Variants in IGF2R observed in about 807,000 individuals in gnomAD.
IGF2R encodes insulin like growth factor 2 receptor, also known as cation-independent mannose-6-phosphate receptor.
IGF2R carries 91 observed loss-of-function variants against 270.6 expected under a neutral mutation model. The ratio of observed to expected loss-of-function variants is 0.34; its 90% CI spans 0.28 to 0.40. IGF2R has a LOEUF of 0.40. Among genes scored for constraint, IGF2R ranks in the 10% least tolerant of loss-of-function variants. The pLI, the probability that IGF2R is intolerant of heterozygous loss-of-function variation, is 1.00. For missense variants in IGF2R, 2,805 were observed against 3,188.3 expected (o/e 0.88, Z 2.90); for synonymous variants, 1,316 against 1,258.9 (o/e 1.05, Z -0.96).
intron 42 of IGF2R, among the ~76,000 whole-genome samples, 156 bp from the exon 43 acceptor site, chr6:160,088,951 C>T (rs544339577): frequency 6.6e-6 from 1 of 152,304 alleles, no homozygotes; most frequent in African/African-American, 2.4e-5. Context: ...CTGCGCAGCC[C>T]GGGGAGTGGG....
intron 39 of IGF2R, among the ~76,000 whole-genome samples, chr6:160,082,271 C>T (rs894647335): frequency 1.3e-5 from 2 of 152,108 alleles, no homozygotes; most frequent in African/African-American, 4.8e-5. Flanking sequence ...GAATCACACT[C>T]CTGTTTTCAA....
At chr6:160,042,478 G>A (rs1777966838) in intron 11 of IGF2R, among the ~76,000 whole-genome samples, 3 of 152,114 alleles carry the variant, frequency 2.0e-5, no homozygotes, top group Admixed American at 1.3e-4. Flanking sequence ...GCGACTGTTC[G>A]CCGTGTGGTT....
At chr6:160,001,076 A>C (rs1468516822) in intron 2 of IGF2R, among the ~76,000 whole-genome samples, 2 of 151,434 alleles carry the variant, frequency 1.3e-5, no homozygotes, top group African/African-American at 4.9e-5. Flanking sequence ...GGGGTCCTCA[A>C]CCCCCGGGCC....
chr6:159,979,929 T>G (rs377043420), intron 1 of IGF2R, among the ~76,000 whole-genome samples: 2 of 152,230 alleles, frequency 1.3e-5, no homozygotes, highest in East Asian at 1.9e-4. Flanking sequence ...CTGTGGCTCA[T>G]GCCTGTAATC....
In IGF2R at chr6:160,104,694, A is replaced by C; in HGVS notation, c.7086A>C (p.Thr2362=). The change falls in exon 48 of 48, where the codon ACA becomes ACC. Residue 2362 remains threonine, a synonymous_variant. Coordinates refer to ENST00000356956, the MANE Select transcript of IGF2R (RefSeq NM_000876.4). The stretch of plus-strand genomic sequence containing the variant: ...GGCAGGTGAATAAGGAAGAAGAGAC[A>C]GATGAGAATGAAACAGAGTGGCTGA... ...KYSKVNKEEE[T]DENETEWLME... The C allele has an allele frequency of 6.2e-7, 1 of 1,613,728 alleles. No individual in the cohort carries two copies. The highest frequency in any genetic ancestry group is 8.5e-7 in the Non-Finnish European group (1 of 1,179,792).
chr6:159,992,325 G>A (rs187720070), intron 2 of IGF2R, among the ~76,000 whole-genome samples: 6 of 152,152 alleles, frequency 3.9e-5, no homozygotes, highest in Non-Finnish European at 7.4e-5. Flanking sequence ...CCCGTCACCC[G>A]AATAGTGTAC....
Position 160,089,980 on chromosome 6 carries a change from T to C in IGF2R, c.6532T>C (p.Ser2178Pro), listed in dbSNP as rs1169660231. 1 of 1,607,236 alleles carries C rather than the reference T, an allele frequency of 6.2e-7. No homozygotes were observed. Among genetic ancestry groups the C allele is most frequent in the Non-Finnish European group, 8.5e-7 (1 of 1,177,068 alleles). ...CAACTACCTGTATGAGATCCAACTTTCCTCCATCACAAGCTCCAGAAACCC... is the reference window on the plus strand; with the variant it reads ...CAACTACCTGTATGAGATCCAACTTCCCTCCATCACAAGCTCCAGAAACCC... The part of the protein sequence containing the change: ...GDNYLYEIQL[S>P]SITSSRNPAC... Residue 2178 changes from serine to proline, a missense_variant, in exon 44 of 48, where the codon TCC becomes CCC. By Grantham distance (74) the Ser-to-Pro change is moderately conservative. Transcript: ENST00000356956.
At chr6:160,065,814 G>GTGTGTGTGTGTGTGTATATATATATA in intron 29 of IGF2R, among the ~76,000 whole-genome samples, 1 of 78,392 alleles carries the variant, frequency 1.3e-5, no homozygotes, top group Non-Finnish European at 2.3e-5. Context: ...GTGTGTGTGT[G>GTGTGTGTGTGTGTGTATATATATATA]TATATATATA....
Position 160,110,966 on chromosome 6 carries a change from T to A in IGF2R, c.*5882T>A, listed in dbSNP as rs1426247121. 1 of 152,250 alleles carries A rather than the reference T, an allele frequency of 6.6e-6. No individual in the cohort carries two copies. Among genetic ancestry groups the A allele is most frequent in the Non-Finnish European group, 1.5e-5 (1 of 68,052 alleles). 9.4% of individuals were successfully genotyped at this position (152,250 alleles called of 1,614,324 possible). A position where few individuals can be genotyped will look rare whatever the true frequency, so the allele number is the denominator to read the frequency against. On this transcript the variant is annotated 3_prime_UTR_variant, in exon 48 of 48. Transcript: ENST00000356956. ...GTGAAAGGGTGCAGAGGTTCAGCTA[T>A]GCAACATGAATGAATTCTGGAGATC...
At chr6:160,088,546 C>G (rs1003905658) in intron 42 of IGF2R, among the ~76,000 whole-genome samples, 4 of 152,192 alleles carry the variant, frequency 2.6e-5, no homozygotes, top group Admixed American at 6.5e-5. Context: ...GGATTATATT[C>G]AAGTTTTCCC....
intron 11 of IGF2R, among the ~76,000 whole-genome samples, chr6:160,042,384 C>G (rs1165966013): frequency 6.6e-6 from 1 of 152,240 alleles, no homozygotes; most frequent in African/African-American, 2.4e-5. Context: ...AGTACCCAAC[C>G]TGCAAAGGGA....
rs1202371993 is a variant in IGF2R at position 160,050,795 on chromosome 6, A to T, written c.2694+143A>T. ...GTTCTGCTTAAGGTCAGTGTGCGGT[A>T]TATATGTTCACAGGCAGGGAGTGAT... On this transcript the variant is annotated intron_variant, in intron 19 of 47. Coordinates refer to ENST00000356956, the MANE Select transcript of IGF2R (RefSeq NM_000876.4). This position sits in a 1 kb window ranked among gnomAD's most constrained non-coding sequence, Gnocchi z 4.0. 1.5e-6 allele frequency: 1 copy of T among 657,578 alleles called. No homozygotes were observed. Among genetic ancestry groups the T allele is most frequent in the Non-Finnish European group, 2.5e-6 (1 of 400,066 alleles). The allele number at this position is 657,578 out of a possible 1,614,324, so 40.7% of individuals were successfully genotyped here.
Position 160,068,065 on chromosome 6 carries a change from GGTGTGTGTGTGTGTGT to G in IGF2R, c.4116-156_4116-141del, listed in dbSNP as rs879058804. Reference sequence around the variant, plus strand: ...TATGTTGTTGCTGATTCTGATGGGGGGTGTGTGTGTGTGTGTGTGTGTGTGTGTGTGTGTGTGTGTG... The same window carrying G: ...TATGTTGTTGCTGATTCTGATGGGGGGTGTGTGTGTGTGTGTGTGTGTGTG... On this transcript the variant is annotated intron_variant, in intron 29 of 47. Transcript: ENST00000356956. Among the ~76,000 whole-genome samples the G allele has an allele frequency of 3.0e-4, 23 of 77,482 alleles. No individual in the cohort carries two copies. The East Asian group carries it at 5.2e-3, about 17-fold the overall frequency. 50.8% of individuals were successfully genotyped at this position (77,482 alleles called of 152,430 possible). A position where few individuals can be genotyped will look rare whatever the true frequency, so the allele number is the denominator to read the frequency against.
chr6:160,079,068 A>T (rs914216897), intron 37 of IGF2R, among the ~76,000 whole-genome samples: 10 of 152,292 alleles, frequency 6.6e-5, no homozygotes, highest in Admixed American at 2.0e-4. Context: ...TTTTGGGCCC[A>T]GGTGTCAACA....
intron 2 of IGF2R, 82 bp from the exon 3 acceptor site, chr6:160,008,928 C>T (rs1784288694): frequency 7.1e-7 from 1 of 1,407,546 alleles, no homozygotes; most frequent in Non-Finnish European, 9.9e-7. Context: ...TATAATGCTA[C>T]TTTTAATTTG....
rs746632237 is a variant in IGF2R at position 160,060,624 on chromosome 6, G to T, written c.3169G>T (p.Asp1057Tyr). The change falls in exon 23 of 48, where the codon GAT becomes TAT. Residue 1057 changes from aspartate (D) to tyrosine (Y), a missense_variant. By Grantham distance (160) the Asp-to-Tyr change is radical (BLOSUM62 -3). Coordinates refer to ENST00000356956, the MANE Select transcript of IGF2R (RefSeq NM_000876.4). ...YSGPLKFLHQDIDSGQGIRNT... is the reference protein window; with the variant it reads ...YSGPLKFLHQYIDSGQGIRNT... ...AGGGCCCCTCAAATTCCTGCATCAAGATATCGACTCTGGGCAAGGGATCCG... is the reference window on the plus strand; with the variant it reads ...AGGGCCCCTCAAATTCCTGCATCAATATATCGACTCTGGGCAAGGGATCCG... The T allele has an allele frequency of 5.6e-6, 9 of 1,614,250 alleles. No homozygotes were observed. Among genetic ancestry groups the T allele is most frequent in the Non-Finnish European group, 4.2e-6 (5 of 1,180,038 alleles).
intron 43 of IGF2R, 64 bp downstream of exon 43, chr6:160,089,317 C>G: frequency 1.4e-6 from 2 of 1,457,494 alleles, no homozygotes; most frequent in Non-Finnish European, 1.9e-6. Flanking sequence ...CAATGCCGCT[C>G]TTTCCCTATC....
At chr6:159,995,548 TCTGA>T (rs1784039509) in intron 2 of IGF2R, among the ~76,000 whole-genome samples, 1 of 152,202 alleles carries the variant, frequency 6.6e-6, no homozygotes, top group Non-Finnish European at 1.5e-5. Flanking sequence ...ATACCTTTTG[TCTGA>T]CTGGGTTAAT....
chr6:160,012,041 A>C (rs2115207757), intron 4 of IGF2R, among the ~76,000 whole-genome samples: 1 of 152,300 alleles, frequency 6.6e-6, no homozygotes, highest in East Asian at 1.9e-4. Context: ...ACAATAAATC[A>C]CTGATATTTT....
Sources: allele counts gnomAD v4.1 joint callset (sites outside exome capture counted in the v4.1 genomes callset), GRCh38; gene constraint gnomAD v4.1.1; non-coding constraint Gnocchi (gnomAD v3.1); transcripts MANE v1.5; gene names NCBI Gene and HGNC (gene_info 2026-07-23, HGNC 2026-07-21).